Variants in PARP8 observed in about 807,000 individuals in gnomAD.
PARP8 encodes poly(ADP-ribose) polymerase family member 8.
PARP8 carries 51 observed loss-of-function variants against 124.1 expected under a neutral mutation model. The ratio of observed to expected loss-of-function variants is 0.41; its 90% confidence interval spans 0.33 to 0.52. PARP8 has a LOEUF of 0.52. Among genes scored for constraint, PARP8 ranks in the 20% least tolerant of loss-of-function variants. PARP8 has a pLI of 0.21. For synonymous variants in PARP8, 391 were observed against 361.5 expected (o/e 1.08, Z -0.93); for missense variants, 860 against 1,018.9 (o/e 0.84, Z 2.12).
At chr5:50,810,603 G>A (rs1278958090) in intron 14 of PARP8, among the ~76,000 whole-genome samples, 1 of 151,968 alleles carries the variant, frequency 6.6e-6, no homozygotes, top group Non-Finnish European at 1.5e-5. Context: ...TTCTGTGAGC[G>A]AGAGAGACAT....
chr5:50,832,773 G>C lies in PARP8; in HGVS notation c.2234-8G>C. ...GTCCCTAAATTATTATTTTGCCGAT[G>C]TTTTCAGGGATGAACAAGAAACAGA... On this transcript the variant is annotated splice_region_variant and splice_polypyrimidine_tract_variant and intron_variant, in intron 22 of 25. Transcript: ENST00000281631. The C allele has an allele frequency of 1.2e-6, 2 of 1,612,914 alleles. No homozygotes were observed. The highest frequency in any genetic ancestry group is 1.7e-6 in the Non-Finnish European group (2 of 1,179,260).
chr5:50,818,670 C>T (rs1224031420), intron 15 of PARP8, among the ~76,000 whole-genome samples: 2 of 151,888 alleles, frequency 1.3e-5, no homozygotes, highest in African/African-American at 4.8e-5. Flanking sequence ...TGAGCCACCA[C>T]ACCCAGCCTT....
At chr5:50,745,573 A>G (rs529849732) in intron 2 of PARP8, among the ~76,000 whole-genome samples, 2 of 152,272 alleles carry the variant, frequency 1.3e-5, no homozygotes, top group South Asian at 2.1e-4. Context: ...TTGGACTCCT[A>G]TTTGTCTGTC....
intron 3 of PARP8, among the ~76,000 whole-genome samples, chr5:50,756,871 A>T (rs1263696244): frequency 1.3e-5 from 2 of 152,138 alleles, no homozygotes; most frequent in African/African-American, 2.4e-5. Flanking sequence ...TTCTCTGCTT[A>T]TACTAGTTCA....
chr5:50,823,327 A>T (rs1745978456), intron 17 of PARP8, among the ~76,000 whole-genome samples: 2 of 151,952 alleles, frequency 1.3e-5, no homozygotes, highest in African/African-American at 4.8e-5. Flanking sequence ...TTCCATTTTG[A>T]TTCTTGATTC....
chr5:50,666,781 G>A lies in PARP8; in HGVS notation c.-315G>A. On this transcript the variant is annotated 5_prime_UTR_variant, in exon 1 of 26. Coordinates refer to ENST00000281631, the MANE Select transcript of PARP8 (RefSeq NM_024615.4). The stretch of plus-strand genomic sequence containing the variant: ...GCCCCCACGGCCGTTGGTCCGGGCG[G>A]GTGAGGGAGAAAGTGAGACTTGGTG... The A allele has an allele frequency of 1.1e-6, 1 of 945,994 alleles. No individual in the cohort carries two copies. The highest frequency in any genetic ancestry group is 2.3e-5 in the South Asian group (1 of 44,034). The allele number at this position is 945,994 out of a possible 1,614,324, so 58.6% of individuals were successfully genotyped here.
At chr5:50,688,086 G>A (rs1752072726) in intron 2 of PARP8, among the ~76,000 whole-genome samples, 1 of 152,034 alleles carries the variant, frequency 6.6e-6, no homozygotes, top group South Asian at 2.1e-4. Context: ...TAGGCTCAGG[G>A]GATCTTCCTA....
chr5:50,668,005 A>G, intron 1 of PARP8, 66 bp from the exon 2 acceptor site: 2 of 1,610,064 alleles, frequency 1.2e-6, no homozygotes, highest in Non-Finnish European at 1.7e-6. Context: ...TGTGGGGCTC[A>G]AGTCCTGATC....
chr5:50,839,459 T>TACCA (rs1747933792), intron 25 of PARP8, among the ~76,000 whole-genome samples: 2 of 151,974 alleles, frequency 1.3e-5, no homozygotes, highest in Admixed American at 1.3e-4. Flanking sequence ...TAGCAACTTA[T>TACCA]GTATCTAAGC....
intron 3 of PARP8, among the ~76,000 whole-genome samples, chr5:50,752,747 C>T (rs917940461): frequency 6.6e-6 from 1 of 152,032 alleles, no homozygotes; most frequent in African/African-American, 2.4e-5. Flanking sequence ...TAGGCTTCCC[C>T]TCTGCCTACT....
chr5:50,784,931 A>G (rs1396000320), intron 9 of PARP8, among the ~76,000 whole-genome samples: 1 of 152,064 alleles, frequency 6.6e-6, no homozygotes, highest in Non-Finnish European at 1.5e-5. Context: ...ATGAACTTAA[A>G]AAGTTTTAAA....
chr5:50,839,187 C>G (rs1198337806), intron 25 of PARP8, among the ~76,000 whole-genome samples: 1 of 151,970 alleles, frequency 6.6e-6, no homozygotes, highest in East Asian at 1.9e-4. Context: ...ATTTTTAAAG[C>G]AAATTGGTTA....
At chr5:50,810,432 C>T (rs111771146) in intron 14 of PARP8, among the ~76,000 whole-genome samples, 10 of 152,064 alleles carry the variant, frequency 6.6e-5, no homozygotes, top group African/African-American at 9.6e-5. Context: ...TGACTATGTG[C>T]GTTTTGAATT....
At chr5:50,683,573 C>T (rs999874480) in intron 2 of PARP8, among the ~76,000 whole-genome samples, 2 of 152,174 alleles carry the variant, frequency 1.3e-5, no homozygotes, top group Admixed American at 1.3e-4. Context: ...TTGCCGGTCT[C>T]AGCAATAGTT....
chr5:50,748,013 C>G (rs1758803868), intron 2 of PARP8, among the ~76,000 whole-genome samples: 1 of 151,822 alleles, frequency 6.6e-6, no homozygotes, highest in African/African-American at 2.4e-5. Context: ...TTCAGTGTGT[C>G]TTGTTCCATT....
At chr5:50,681,258 C>A (rs192500178) in intron 2 of PARP8, among the ~76,000 whole-genome samples, 2 of 152,094 alleles carry the variant, frequency 1.3e-5, no homozygotes. Flanking sequence ...TACAATTAAG[C>A]AATTGATATT....
intron 3 of PARP8, 124 bp downstream of exon 3, chr5:50,750,312 A>G: frequency 1.4e-6 from 1 of 729,796 alleles, no homozygotes. Context: ...GGAAGCCTTA[A>G]AGCTATAGAA....
intron 2 of PARP8, among the ~76,000 whole-genome samples, chr5:50,730,395 C>T (rs1474644665): frequency 6.6e-6 from 1 of 152,114 alleles, no homozygotes; most frequent in East Asian, 1.9e-4. Context: ...CCATGTCCTT[C>T]TTCACATGAT....
rs73098956 is a variant in PARP8, at chr5:50,670,726, A to G, written c.146+2601A>G. On this transcript the variant is annotated intron_variant, in intron 2 of 25. Transcript: ENST00000281631. ...TTAAGACACATAGTCACTTTCATCA[A>G]TTAAATGTTGAAGCTGCCATGTAAA... is the stretch of plus-strand genomic sequence containing the variant. Among the ~76,000 whole-genome samples, 142 of 152,326 alleles carry G rather than the reference A, an allele frequency of 9.3e-4. 1 individual carries two copies. Among genetic ancestry groups the G allele is most frequent in the African/African-American group, 3.3e-3 (136 of 41,576 alleles).
Sources: allele counts gnomAD v4.1 joint callset (sites outside exome capture counted in the v4.1 genomes callset), GRCh38; gene constraint gnomAD v4.1.1; transcripts MANE v1.5; gene names NCBI Gene and HGNC (gene_info 2026-07-23, HGNC 2026-07-21).